The following ESR1 variants were observed in gnomAD, a reference collection of about 807,000 sequenced individuals.
The protein encoded by ESR1 is estrogen receptor.
A neutral mutation model predicts 52.7 loss-of-function variants in ESR1; 12 were observed. The ratio of observed to expected loss-of-function variants is 0.23; its 90% CI spans 0.15 to 0.37. The LOEUF (loss-of-function observed/expected upper bound fraction) is 0.37. Ranked by LOEUF, ESR1 falls within the 10% of genes least tolerant of loss-of-function variation. The pLI is 1.00. For missense variants in ESR1, 584 were observed against 779.7 expected (o/e 0.75, Z 2.99); for synonymous variants, 305 against 316.8 (o/e 0.96, Z 0.39).
At chr6:151,666,169 G>T (rs777387065) in intron 1 of ESR1, among the ~76,000 whole-genome samples, 2 of 152,146 alleles carry the variant, frequency 1.3e-5, no homozygotes, top group Non-Finnish European at 2.9e-5. Flanking sequence ...AGCTACATTG[G>T]AAAAATTAAA....
intron 2 of ESR1, among the ~76,000 whole-genome samples, chr6:151,712,178 C>A (rs1458272510): frequency 6.6e-6 from 1 of 152,014 alleles, no homozygotes; most frequent in Non-Finnish European, 1.5e-5. Flanking sequence ...ATTTCTGAGG[C>A]CTCTGTTCTG....
Position 151,808,323 on chromosome 6 carries a change from C to A in ESR1, c.411C>A (p.Ser137Arg), listed in dbSNP as rs777114733. Residue 137 changes from serine to arginine, a missense_variant, in exon 1 of 8, where the codon AGC (serine) becomes AGA (arginine). Coordinates refer to ENST00000206249, the MANE Select transcript of ESR1 (RefSeq NM_000125.4). ...CCTACTACCTGGAGAACGAGCCCAG[C>A]GGCTACACGGTGCGCGAGGCCGGCC... ...QVPYYLENEP[S>R]GYTVREAGPP... The A allele has an allele frequency of 9.9e-6, 15 of 1,515,716 alleles. No homozygotes were observed. Among genetic ancestry groups the A allele is most frequent in the South Asian group, 2.5e-5 (2 of 81,394 alleles). The allele number at this position is 1,515,716 out of a possible 1,614,324, so 93.9% of individuals were successfully genotyped here.
chr6:151,900,121 G>A (rs558965608), intron 3 of ESR1, among the ~76,000 whole-genome samples: 2 of 152,292 alleles, frequency 1.3e-5, no homozygotes, highest in African/African-American at 2.4e-5. Flanking sequence ...CACTGAGTGC[G>A]GTTTTGTTCA....
At chr6:152,020,385 C>G (rs781706260) in intron 5 of ESR1, among the ~76,000 whole-genome samples, 1 of 152,094 alleles carries the variant, frequency 6.6e-6, no homozygotes, top group Non-Finnish European at 1.5e-5. Context: ...TGAAATATTA[C>G]CAATGCCAAT....
chr6:151,904,500 C>T (rs1797150818), intron 3 of ESR1, among the ~76,000 whole-genome samples: 1 of 151,936 alleles, frequency 6.6e-6, no homozygotes, highest in Non-Finnish European at 1.5e-5. Flanking sequence ...GCATTTTATG[C>T]CATACTTGGG....
intron 3 of ESR1, among the ~76,000 whole-genome samples, chr6:151,895,902 G>T (rs1182502110): frequency 6.6e-6 from 1 of 152,140 alleles, no homozygotes; most frequent in African/African-American, 2.4e-5. Context: ...CGATTCTCCT[G>T]CCTCAGCTCC....
intron 4 of ESR1, among the ~76,000 whole-genome samples, chr6:151,995,325 C>G (rs1386733884): frequency 6.6e-6 from 1 of 152,148 alleles, no homozygotes; most frequent in Non-Finnish European, 1.5e-5. Flanking sequence ...GTCTATCTGT[C>G]CATCCAGTCA....
chr6:151,909,590 G>T (rs1279650041), intron 3 of ESR1, among the ~76,000 whole-genome samples: 2 of 152,198 alleles, frequency 1.3e-5, no homozygotes, highest in Admixed American at 1.3e-4. Context: ...CCTTCCATCA[G>T]GTGAGAGCTC....
intron 2 of ESR1, among the ~76,000 whole-genome samples, chr6:151,770,042 A>G (rs1190234629): frequency 4.0e-5 from 6 of 151,108 alleles, no homozygotes; most frequent in Admixed American, 1.3e-4. Context: ...AAAAAAAAAA[A>G]GGGATGAAGA....
intron 2 of ESR1, among the ~76,000 whole-genome samples, chr6:151,853,036 G>T (rs1235218633): frequency 1.3e-5 from 2 of 151,582 alleles, no homozygotes; most frequent in African/African-American, 4.9e-5. Context: ...GCTAGGCATG[G>T]TGGTGTGCAC....
intron 4 of ESR1, among the ~76,000 whole-genome samples, chr6:151,970,195 A>C (rs559211904): frequency 6.6e-6 from 1 of 152,238 alleles, no homozygotes; most frequent in South Asian, 2.1e-4. Context: ...AGTGCTCGGC[A>C]TTCAGTAAAT....
At chr6:151,847,276 A>G (rs1463722528) in intron 2 of ESR1, among the ~76,000 whole-genome samples, 2 of 152,204 alleles carry the variant, frequency 1.3e-5, no homozygotes, top group Non-Finnish European at 2.9e-5. Context: ...TAGCTCCTTT[A>G]ACAGCTGTGG....
chr6:151,919,114 T>G (rs563576386), intron 3 of ESR1, among the ~76,000 whole-genome samples: 24 of 152,320 alleles, frequency 1.6e-4, no homozygotes, highest in Non-Finnish European at 2.6e-4. Flanking sequence ...TATTTATGTA[T>G]TCAACAGACA....
At chr6:151,733,472 C>T (rs1348217815) in intron 2 of ESR1, among the ~76,000 whole-genome samples, 1 of 152,162 alleles carries the variant, frequency 6.6e-6, no homozygotes, top group African/African-American at 2.4e-5. Flanking sequence ...TCATCATTGT[C>T]ATCGTCATTC....
At chr6:151,751,677 C>T (rs376578574) in intron 2 of ESR1, among the ~76,000 whole-genome samples, 14 of 152,216 alleles carry the variant, frequency 9.2e-5, no homozygotes, top group African/African-American at 2.9e-4. Flanking sequence ...CCAATTTAAA[C>T]AAAGTATTTT....
chr6:151,899,548 G>A (rs1378531479), intron 3 of ESR1, among the ~76,000 whole-genome samples: 221 of 148,300 alleles, frequency 1.5e-3, no homozygotes, highest in Non-Finnish European at 2.6e-3. Flanking sequence ...CCTCCCTCCC[G>A]GACGGGGCGG....
chr6:151,742,766 T>C (rs754752930), intron 2 of ESR1, among the ~76,000 whole-genome samples: 2 of 152,212 alleles, frequency 1.3e-5, no homozygotes, highest in Non-Finnish European at 2.9e-5. Flanking sequence ...GTTTTATTCA[T>C]TGATCGTCAT....
upstream of ESR1, among the ~76,000 whole-genome samples, chr6:151,685,768 TAATAGA>T (rs1379176893): frequency 6.6e-6 from 1 of 151,760 alleles, no homozygotes; most frequent in East Asian, 2.0e-4. Context: ...TTTATTCTTC[TAATAGA>T]AAATTTTTCA....
At chr6:152,081,300 TAGAACTC>T (rs1457050098) in intron 6 of ESR1, among the ~76,000 whole-genome samples, 1 of 151,978 alleles carries the variant, frequency 6.6e-6, no homozygotes, top group Non-Finnish European at 1.5e-5. Context: ...GCAATCAAAT[TAGAACTC>T]AGGATTAAGA....
Sources: gnomAD v4.1 joint callset for allele counts (sites outside exome capture counted in the v4.1 genomes callset) on GRCh38, gnomAD v4.1.1 for gene constraint, MANE v1.5 for transcripts, NCBI Gene and HGNC (gene_info 2026-07-23, HGNC 2026-07-21) for gene names.